ITPK1: variants seen among roughly 807,000 people sequenced by gnomAD.
ITPK1 encodes inositol-tetrakisphosphate 1-kinase.
Under a neutral mutation model 45.3 loss-of-function variants are expected in ITPK1, and 21 were observed. The observed-to-expected ratio is 0.46, with a 90% CI of 0.33 to 0.67. The LOEUF is 0.67. ITPK1 is among the 30% of genes least tolerant of loss of function. The probability of loss-of-function intolerance (pLI) is 0.02; values close to 1 mark genes in which losing one functional copy is unlikely to be tolerated. For synonymous variants in ITPK1, 258 were observed against 253.6 expected (o/e 1.02, Z -0.16); for missense variants, 474 against 573.5 (o/e 0.83, Z 1.77).
chr14:93,094,000 T>G (rs972786654), intron 2 of ITPK1, among the ~76,000 whole-genome samples: 16 of 152,256 alleles, frequency 1.1e-4, no homozygotes, highest in African/African-American at 3.9e-4. Flanking sequence ...TAAACTTCTC[T>G]CAGCTCCTGG....
chr14:93,016,727 A>C lies in ITPK1; in HGVS notation c.195T>G (p.Leu65=). The change falls in exon 4 of 11, where the codon CTT becomes CTG. Residue 65 remains leucine (L), a synonymous_variant. Transcript: ENST00000267615. This position sits in a 1 kb window ranked among gnomAD's most constrained non-coding sequence, Gnocchi z 5.0. The part of the protein sequence containing the change: ...VIIHKLTDVI[L]EADQNDSQSL... ...ACTGGCTATCATTCTGGTCGGCTTCAAGGATGACGTCAGTCAGCTTGTGGA... is the reference window on the plus strand; with the variant it reads ...ACTGGCTATCATTCTGGTCGGCTTCCAGGATGACGTCAGTCAGCTTGTGGA... 2 of 1,614,118 alleles carry C rather than the reference A, an allele frequency of 1.2e-6. No homozygotes were observed. The highest frequency in any genetic ancestry group is 1.3e-5 in the African/African-American group (1 of 75,038).
intron 10 of ITPK1, among the ~76,000 whole-genome samples, chr14:92,943,301 G>A (rs934554897): frequency 4.6e-5 from 7 of 152,312 alleles, no homozygotes; most frequent in South Asian, 2.1e-4. Context: ...GGCTGTGAGC[G>A]CCACGGTCCT....
intron 9 of ITPK1, among the ~76,000 whole-genome samples, chr14:92,949,093 CT>C (rs970241666): frequency 1.1e-3 from 152 of 144,196 alleles, no homozygotes; most frequent in Middle Eastern, 3.5e-3. Flanking sequence ...ACTTTTCTTT[CT>C]TTTTTTTTTT....
chr14:92,994,020 T>A (rs750236290), intron 4 of ITPK1, 23 bp from the exon 5 acceptor site: 3 of 1,532,334 alleles, frequency 2.0e-6, no homozygotes. Flanking sequence ...CATGCTGCTC[T>A]GGTTAGAGCA....
intron 3 of ITPK1, among the ~76,000 whole-genome samples, chr14:93,022,106 G>C (rs1888500380): frequency 6.6e-6 from 1 of 152,200 alleles, no homozygotes. Flanking sequence ...AGCAAGCACA[G>C]CTCCTTAAGA....
intron 9 of ITPK1, among the ~76,000 whole-genome samples, chr14:92,948,658 A>G (rs1887797401): frequency 6.6e-6 from 1 of 152,046 alleles, no homozygotes. Flanking sequence ...AAAAAAAAAA[A>G]AGTGAAAGCA....
Position 92,958,264 on chromosome 14 carries a change from C to G in ITPK1, c.607G>C (p.Val203Leu). 1.2e-6 allele frequency: 2 copies of G among 1,613,708 alleles called. No individual in the cohort carries two copies. The highest frequency in any genetic ancestry group is 1.7e-6 in the Non-Finnish European group (2 of 1,179,894). The change falls in exon 8 of 11, where the codon GTT becomes CTT. Residue 203 changes from valine to leucine, a missense_variant. Transcript: ENST00000267615. This position sits in a 1 kb window ranked among gnomAD's most constrained non-coding sequence, Gnocchi z 4.4. ...TGGACCACGGTGTAGGACTCGCCAA[C>G]CACGAACACCTTGTACAGGACGGCG... ...HNAVLYKVFV[V>L]GESYTVVQRP...
intron 2 of ITPK1, among the ~76,000 whole-genome samples, chr14:93,084,433 G>A (rs916268530): frequency 9.2e-5 from 14 of 152,186 alleles, no homozygotes; most frequent in African/African-American, 2.9e-4. Context: ...GAATTATCCA[G>A]CACAAAAGGT....
At chr14:92,985,424 T>A (rs1886445051) in intron 5 of ITPK1, among the ~76,000 whole-genome samples, 1 of 152,082 alleles carries the variant, frequency 6.6e-6, no homozygotes. Flanking sequence ...CTCTGTGTAC[T>A]ATCTTTGCAA....
chr14:93,061,996 G>C (rs1217855835), intron 3 of ITPK1, among the ~76,000 whole-genome samples: 1 of 152,204 alleles, frequency 6.6e-6, no homozygotes, highest in Admixed American at 6.5e-5. Context: ...CTATGTCAAG[G>C]CTGGTGGCTC....
chr14:93,041,821 C>A (rs531616124), intron 3 of ITPK1, among the ~76,000 whole-genome samples: 1 of 152,182 alleles, frequency 6.6e-6, no homozygotes, highest in Non-Finnish European at 1.5e-5. Flanking sequence ...TGTCTGGCCT[C>A]CAAGATACAT....
chr14:92,976,315 G>A (rs972374328), intron 5 of ITPK1, among the ~76,000 whole-genome samples: 1 of 152,154 alleles, frequency 6.6e-6, no homozygotes, highest in Non-Finnish European at 1.5e-5. Flanking sequence ...ACTGGCCCTA[G>A]AGCCTCACAG....
chr14:92,942,115 G>A (rs1025494996), intron 10 of ITPK1, among the ~76,000 whole-genome samples: 6 of 152,200 alleles, frequency 3.9e-5, no homozygotes, highest in East Asian at 1.9e-4. Flanking sequence ...CGTGCTCCTC[G>A]ACCTTCAGCT....
chr14:92,957,124 C>G (rs1387410706), intron 8 of ITPK1, among the ~76,000 whole-genome samples: 4 of 152,236 alleles, frequency 2.6e-5, no homozygotes, highest in Non-Finnish European at 5.9e-5. Context: ...GGGCGGCACA[C>G]CAGCCAGGAG....
rs138758784 is a variant in ITPK1, at chr14:93,066,006, G to A, written c.120+10589C>T. Among the ~76,000 whole-genome samples the A allele has an allele frequency of 1.2e-3, 188 of 152,314 alleles. 3 individuals are homozygous for A. The highest frequency in any genetic ancestry group is 4.3e-3 in the African/African-American group (179 of 41,580). ...AAGGAGCATATTTTATGTAAAAATT[G>A]CTTCAATAATTATCTCTGGGTTTTC... is the stretch of plus-strand genomic sequence containing the variant. On this transcript the variant is annotated intron_variant, in intron 3 of 10. Transcript: ENST00000267615.
At position 92,958,435 on chromosome 14, in the gene ITPK1, G is replaced by C; in HGVS notation, c.505-69C>G. 3 of 1,478,226 alleles carry C rather than the reference G, an allele frequency of 2.0e-6. No homozygotes were observed. Among genetic ancestry groups the C allele is most frequent in the Non-Finnish European group, 2.8e-6 (3 of 1,065,242 alleles). The allele number at this position is 1,478,226 out of a possible 1,614,324, so 91.6% of individuals were successfully genotyped here. A position where few individuals can be genotyped will look rare whatever the true frequency, so the allele number is the denominator to read the frequency against. ...TTCTCAGCCTCCAACACACAGGTGT[G>C]TCACCTGTCCAGAGCACCTCCACCA... On this transcript the variant is annotated intron_variant, in intron 7 of 10. Transcript: ENST00000267615. The surrounding 1 kb of genome is among the most constrained non-coding windows in gnomAD (Gnocchi z 4.4).
chr14:93,103,763 G>A lies in ITPK1; in HGVS notation c.95+11306C>T, dbSNP rs77522518. ...TGCACTAGGACAAGTACCCCAGGGTGGAGACCGGATGTTTCCTCACCTCCG... is the reference window on the plus strand; with the variant it reads ...TGCACTAGGACAAGTACCCCAGGGTAGAGACCGGATGTTTCCTCACCTCCG... On this transcript the variant is annotated intron_variant, in intron 2 of 10. Coordinates refer to ENST00000267615, the MANE Select transcript of ITPK1 (RefSeq NM_014216.6). Among the ~76,000 whole-genome samples the A allele has an allele frequency of 8.7e-3, 1,327 of 152,302 alleles. 27 individuals are homozygous for A. Among genetic ancestry groups the A allele is most frequent in the African/African-American group, 0.03 (1,265 of 41,550 alleles).
rs1304372267 is a variant in ITPK1 at position 92,972,652 on chromosome 14, C to T, written c.365-9803G>A. Among the ~76,000 whole-genome samples, 4 of 152,186 alleles carry T rather than the reference C, an allele frequency of 2.6e-5. No individual in the cohort carries two copies. In the East Asian group the frequency reaches 7.7e-4, roughly 29 times the overall value. Reference sequence around the variant, plus strand: ...CACCCAGGTTGGAGTGCAGAGGCATCGTGATCTCAGCTCACTGCAACCTCC... The same window carrying T: ...CACCCAGGTTGGAGTGCAGAGGCATTGTGATCTCAGCTCACTGCAACCTCC... On this transcript the variant is annotated intron_variant, in intron 5 of 10. Transcript: ENST00000267615.
At position 93,034,633 on chromosome 14, in the gene ITPK1, C is replaced by T. The variant is rs1889237391; in HGVS notation, c.121-17832G>A. On this transcript the variant is annotated intron_variant, in intron 3 of 10. Coordinates refer to ENST00000267615, the MANE Select transcript of ITPK1 (RefSeq NM_014216.6). This position sits in a 1 kb window ranked among gnomAD's most constrained non-coding sequence, Gnocchi z 4.1. ...CCCACATCCTGCATGAAGGTGGGGA[C>T]TCAGTGAAAGCCTATGGCTAAGTGG... Among the ~76,000 whole-genome samples the T allele has an allele frequency of 6.6e-6, 1 of 152,218 alleles. No homozygotes were observed. Among genetic ancestry groups the T allele is most frequent in the Admixed American group, 6.5e-5 (1 of 15,290 alleles).
Sources: allele counts gnomAD v4.1 joint callset (sites outside exome capture counted in the v4.1 genomes callset), GRCh38; gene constraint gnomAD v4.1.1; non-coding constraint Gnocchi (gnomAD v3.1); transcripts MANE v1.5; gene names NCBI Gene and HGNC (gene_info 2026-07-23, HGNC 2026-07-21).